CDH18: variants seen among roughly 807,000 people sequenced by gnomAD.
The protein encoded by CDH18 is cadherin-18.
In CDH18, 31 loss-of-function variants were observed where a neutral mutation model predicts 67.9. That is an observed-to-expected ratio of 0.46 (90% CI 0.34 to 0.62). The LOEUF is 0.62. Ranked by LOEUF, CDH18 falls within the 20% of genes least tolerant of loss-of-function variation. CDH18 has a pLI of 0.01. For missense variants in CDH18, 890 were observed against 975.5 expected, an observed-to-expected ratio of 0.91 and a Z score of 1.17; for synonymous variants, 362 against 347.2, an observed-to-expected ratio of 1.04 and a Z score of -0.48.
At chr5:19,927,947 C>T (rs1339012085) in intron 2 of CDH18, among the ~76,000 whole-genome samples, 3 of 152,136 alleles carry the variant, frequency 2.0e-5, no homozygotes, top group Non-Finnish European at 4.4e-5. Flanking sequence ...GCTGCTAAGC[C>T]TACAAGAGAT....
At chr5:19,970,945 T>C (rs1047046247) in intron 2 of CDH18, among the ~76,000 whole-genome samples, 4 of 151,856 alleles carry the variant, frequency 2.6e-5, no homozygotes, top group African/African-American at 2.4e-5. Context: ...TGATGCTATT[T>C]TACAAGAAAA....
At chr5:20,246,621 C>T (rs185549250) in intron 2 of CDH18, among the ~76,000 whole-genome samples, 320 of 152,076 alleles carry the variant, frequency 2.1e-3, no homozygotes, top group Non-Finnish European at 3.8e-3. Context: ...AAGAAGAAAC[C>T]AATGGCTTTG....
chr5:19,858,284 G>T (rs796568190), intron 2 of CDH18, among the ~76,000 whole-genome samples: 51 of 152,222 alleles, frequency 3.4e-4, no homozygotes, highest in African/African-American at 1.1e-3. Flanking sequence ...AAATGTCTGG[G>T]TTAAGATAAT....
At chr5:19,915,151 C>A (rs550386492) in intron 2 of CDH18, among the ~76,000 whole-genome samples, 2 of 152,204 alleles carry the variant, frequency 1.3e-5, no homozygotes, top group South Asian at 4.1e-4. Flanking sequence ...CTGAATCTGT[C>A]TTTGATTTCT....
chr5:20,402,995 C>T (rs1267078979), intron 1 of CDH18, among the ~76,000 whole-genome samples: 1 of 141,508 alleles, frequency 7.1e-6, no homozygotes, highest in African/African-American at 2.7e-5. Flanking sequence ...CCAGCCTGGC[C>T]AACATGCCAT....
At chr5:20,454,850 G>A (rs924183719) in intron 1 of CDH18, among the ~76,000 whole-genome samples, 42 of 152,050 alleles carry the variant, frequency 2.8e-4, no homozygotes, top group African/African-American at 9.2e-4. Flanking sequence ...ATTCACTGCC[G>A]TTATAGCAAG....
intron 2 of CDH18, among the ~76,000 whole-genome samples, chr5:20,048,195 T>C (rs1482912613): frequency 6.6e-6 from 1 of 151,704 alleles, no homozygotes; most frequent in East Asian, 1.9e-4. Flanking sequence ...TATATTCTTT[T>C]AAATATTTAC....
chr5:19,999,969 C>T (rs995684055), intron 2 of CDH18, among the ~76,000 whole-genome samples: 3 of 151,970 alleles, frequency 2.0e-5, no homozygotes, highest in South Asian at 2.1e-4. Flanking sequence ...TCATATAGTC[C>T]CCCAATTAAA....
intron 1 of CDH18, among the ~76,000 whole-genome samples, chr5:20,291,191 G>T (rs990066915): frequency 2.0e-5 from 3 of 152,088 alleles, no homozygotes; most frequent in African/African-American, 7.2e-5. Flanking sequence ...GGGAAATAGT[G>T]AATCAAAGAG....
intron 5 of CDH18, among the ~76,000 whole-genome samples, chr5:19,637,949 A>G (rs1753406835): frequency 6.6e-6 from 1 of 152,176 alleles, no homozygotes; most frequent in Non-Finnish European, 1.5e-5. Flanking sequence ...AATATTTTCT[A>G]TCATCGCCTT....
chr5:19,624,514 G>T (rs1400673617), intron 5 of CDH18, among the ~76,000 whole-genome samples: 1 of 152,180 alleles, frequency 6.6e-6, no homozygotes, highest in East Asian at 1.9e-4. Context: ...TCAGAGATAT[G>T]TATATGCTTT....
chr5:20,254,427 A>G (rs1369094717), intron 2 of CDH18, among the ~76,000 whole-genome samples: 1 of 152,190 alleles, frequency 6.6e-6, no homozygotes, highest in Non-Finnish European at 1.5e-5. Context: ...AGCATTCTTA[A>G]AGAAAAGAAA....
intron 2 of CDH18, among the ~76,000 whole-genome samples, chr5:20,088,691 A>C (rs577271476): frequency 6.6e-6 from 1 of 152,282 alleles, no homozygotes; most frequent in South Asian, 2.1e-4. Flanking sequence ...TAAATTAATC[A>C]AGTTTTATAT....
intron 1 of CDH18, among the ~76,000 whole-genome samples, chr5:20,300,070 T>C (rs1482288289): frequency 6.6e-6 from 1 of 152,154 alleles, no homozygotes; most frequent in Non-Finnish European, 1.5e-5. Context: ...AAAATATATT[T>C]GCAGTGTGAC....
At chr5:20,332,270 G>C (rs1317237175) in intron 1 of CDH18, among the ~76,000 whole-genome samples, 1 of 152,144 alleles carries the variant, frequency 6.6e-6, no homozygotes, top group African/African-American at 2.4e-5. Context: ...TCTCAGAATT[G>C]ACACAACTTA....
intron 10 of CDH18, among the ~76,000 whole-genome samples, chr5:19,519,925 C>T (rs746160365): frequency 1.3e-5 from 2 of 152,110 alleles, no homozygotes; most frequent in African/African-American, 2.4e-5. Context: ...TATAGTCTTG[C>T]GAGACTCTTG....
At chr5:19,648,401 C>T (rs1204141844) in intron 5 of CDH18, among the ~76,000 whole-genome samples, 1 of 151,724 alleles carries the variant, frequency 6.6e-6, no homozygotes, top group East Asian at 1.9e-4. Flanking sequence ...GGCAACAGAG[C>T]ACAATTTGGT....
chr5:20,322,405 T>G (rs1251600755), intron 1 of CDH18, among the ~76,000 whole-genome samples: 1 of 152,164 alleles, frequency 6.6e-6, no homozygotes, highest in African/African-American at 2.4e-5. Flanking sequence ...TATAATTTAA[T>G]TAAAACAAGA....
intron 1 of CDH18, among the ~76,000 whole-genome samples, chr5:20,329,028 C>A (rs965803799): frequency 6.6e-6 from 1 of 152,164 alleles, no homozygotes; most frequent in Non-Finnish European, 1.5e-5. Flanking sequence ...TAAAAATAAA[C>A]AATATTAGCT....
Sources: allele counts gnomAD v4.1 joint callset (sites outside exome capture counted in the v4.1 genomes callset), GRCh38; gene constraint gnomAD v4.1.1; transcripts MANE v1.5; gene names NCBI Gene and HGNC (gene_info 2026-07-23, HGNC 2026-07-21).